The following MRTFA variants were observed in gnomAD, a reference collection of about 807,000 sequenced individuals.
MRTFA encodes the protein myocardin related transcription factor A.
In MRTFA, 20 loss-of-function variants were observed where a neutral mutation model predicts 83.5. That is an observed-to-expected ratio of 0.24 (90% confidence interval 0.17 to 0.35). The LOEUF is 0.35. Among genes scored for constraint, MRTFA ranks in the 10% least tolerant of loss-of-function variants. MRTFA has a pLI of 1.00. For missense variants in MRTFA, 1,200 were observed against 1,224.7 expected (o/e 0.98, Z 0.30); for synonymous variants, 659 against 541.2 (o/e 1.22, Z -3.02).
At chr22:40,633,670 T>C (rs1448057563) in intron 1 of MRTFA, among the ~76,000 whole-genome samples, 1 of 152,126 alleles carries the variant, frequency 6.6e-6, no homozygotes, top group Non-Finnish European at 1.5e-5. Flanking sequence ...GTATAAAATA[T>C]ATAAATAAAG....
intron 4 of MRTFA, among the ~76,000 whole-genome samples, chr22:40,449,124 G>A (rs1311293819): frequency 2.0e-5 from 3 of 151,758 alleles, no homozygotes; most frequent in Admixed American, 6.6e-5. Flanking sequence ...ACAATTAGCC[G>A]GGCGTGGTGG....
chr22:40,447,398 T>TAA (rs149564445), intron 4 of MRTFA, among the ~76,000 whole-genome samples: 1 of 146,802 alleles, frequency 6.8e-6, no homozygotes, highest in African/African-American at 2.5e-5. Flanking sequence ...AGGAGAGATG[T>TAA]AAAAAAAGGG....
At chr22:40,518,126 T>G (rs2054791865) in intron 3 of MRTFA, among the ~76,000 whole-genome samples, 1 of 152,174 alleles carries the variant, frequency 6.6e-6, no homozygotes, top group Non-Finnish European at 1.5e-5. Flanking sequence ...TCCTTTATAA[T>G]AAATTGACAA....
chr22:40,523,820 C>A (rs372452575), intron 3 of MRTFA: 2 of 152,030 alleles, frequency 1.3e-5, no homozygotes, highest in Admixed American at 6.6e-5. Flanking sequence ...AATGTTGATA[C>A]CTAAGTTTTC....
chr22:40,544,919 T>G (rs554661064), intron 3 of MRTFA, among the ~76,000 whole-genome samples: 1 of 151,434 alleles, frequency 6.6e-6, no homozygotes, highest in South Asian at 2.1e-4. Context: ...AGCATGACAC[T>G]GTCTTGAAAA....
intron 7 of MRTFA, among the ~76,000 whole-genome samples, chr22:40,427,574 G>A (rs1160917737): frequency 6.6e-6 from 1 of 152,172 alleles, no homozygotes; most frequent in Non-Finnish European, 1.5e-5. Context: ...CCACTGCAGC[G>A]AAGGAGACAT....
intron 2 of MRTFA, among the ~76,000 whole-genome samples, chr22:40,561,218 G>C (rs879366788): frequency 2.4e-4 from 36 of 151,752 alleles, no homozygotes; most frequent in Non-Finnish European, 4.0e-4. Flanking sequence ...GTGTCTGTGT[G>C]TGTGTGTGTG....
chr22:40,424,145 C>A (rs968211684), intron 8 of MRTFA, 61 bp downstream of exon 8: 15 of 1,487,894 alleles, frequency 1.0e-5, no homozygotes, highest in Non-Finnish European at 1.2e-5. Flanking sequence ...AGGAGAGAGA[C>A]CTTACTCTGC....
intron 4 of MRTFA, among the ~76,000 whole-genome samples, chr22:40,447,326 CTAA>C (rs1318910785): frequency 1.3e-5 from 2 of 149,402 alleles, no homozygotes; most frequent in Non-Finnish European, 3.0e-5. Context: ...GCTCTCCAGC[CTAA>C]GTAACAGAGT....
intron 3 of MRTFA, among the ~76,000 whole-genome samples, chr22:40,504,658 G>GA (rs1325464279): frequency 1.3e-5 from 2 of 152,182 alleles, no homozygotes; most frequent in Non-Finnish European, 2.9e-5. Context: ...GACAAGGAAA[G>GA]AAAGAGGAAA....
chr22:40,599,483 T>TA (rs1487011498), intron 1 of MRTFA, among the ~76,000 whole-genome samples: 2 of 152,096 alleles, frequency 1.3e-5, no homozygotes, highest in African/African-American at 4.8e-5. Context: ...TTCTAAAAAA[T>TA]AAACTTCCCA....
chr22:40,610,774 A>C (rs1384777542), intron 1 of MRTFA, among the ~76,000 whole-genome samples: 1 of 152,064 alleles, frequency 6.6e-6, no homozygotes, highest in Non-Finnish European at 1.5e-5. Context: ...TACCCCAGTG[A>C]CACTATGACA....
intron 3 of MRTFA, among the ~76,000 whole-genome samples, chr22:40,524,099 G>A (rs1444143452): frequency 6.6e-6 from 1 of 152,088 alleles, no homozygotes; most frequent in Admixed American, 6.6e-5. Context: ...AATTAAAACA[G>A]GCTGGGCAAC....
chr22:40,553,360 C>A (rs536095202), intron 2 of MRTFA, among the ~76,000 whole-genome samples: 2 of 152,150 alleles, frequency 1.3e-5, no homozygotes, highest in African/African-American at 2.4e-5. Flanking sequence ...AGCAGCGCCT[C>A]GAAGGCATAG....
chr22:40,445,003 G>A (rs2053349087), intron 4 of MRTFA, among the ~76,000 whole-genome samples: 2 of 152,150 alleles, frequency 1.3e-5, no homozygotes, highest in South Asian at 2.1e-4. Flanking sequence ...GGAGGTCCAG[G>A]CTGCAGTGAG....
intron 1 of MRTFA, among the ~76,000 whole-genome samples, chr22:40,620,270 A>C (rs1158129148): frequency 1.3e-5 from 2 of 151,728 alleles, no homozygotes; most frequent in Admixed American, 6.6e-5. Context: ...GATTACAGGC[A>C]TGCATTACCA....
rs76643927 is a variant in MRTFA at position 40,598,396 on chromosome 22, T to G, written c.-83-3661A>C. Among the ~76,000 whole-genome samples, 672 of 152,232 alleles carry G rather than the reference T, an allele frequency of 4.4e-3. 7 individuals carry two copies. The highest frequency in any genetic ancestry group is 0.016 in the African/African-American group (648 of 41,518). On this transcript the variant is annotated intron_variant, in intron 1 of 14. Transcript: ENST00000355630. The stretch of plus-strand genomic sequence containing the variant: ...AATTATCTTAATCTTTTATCAGCAT[T>G]AGAGAAATGCCAATAAAACCTAGAA...
Position 40,612,411 on chromosome 22 carries a change from ACT to A in MRTFA, c.-83-17678_-83-17677del, listed in dbSNP as rs1221666823. Among the ~76,000 whole-genome samples, 4 of 152,296 alleles carry A rather than the reference ACT, an allele frequency of 2.6e-5. No homozygotes were observed. The South Asian group carries it at 8.3e-4, about 32-fold the overall frequency. ...TGTGAGGACCTATTACAAGTCAGGC[ACT>A]CTTACAGTACACACATGTGTGGCAG... On this transcript the variant is annotated intron_variant, in intron 1 of 14. Coordinates refer to ENST00000355630, the MANE Select transcript of MRTFA (RefSeq NM_020831.6).
At chr22:40,536,721 A>C (rs1430928242) in intron 3 of MRTFA, among the ~76,000 whole-genome samples, 1 of 15,794 alleles carries the variant, frequency 6.3e-5, no homozygotes. Flanking sequence ...CCGGCCGCCC[A>C]TCGTCTGAGA....
Sources: allele counts gnomAD v4.1 joint callset (sites outside exome capture counted in the v4.1 genomes callset), GRCh38; gene constraint gnomAD v4.1.1; transcripts MANE v1.5; gene names NCBI Gene and HGNC (gene_info 2026-07-23, HGNC 2026-07-21).